SLC24A2: variants seen among roughly 807,000 people sequenced by gnomAD.
SLC24A2 encodes sodium/potassium/calcium exchanger 2.
A neutral mutation model predicts 62.0 loss-of-function variants in SLC24A2; 36 were observed. The observed-to-expected ratio is 0.58, with a 90% CI of 0.44 to 0.77. The LOEUF is 0.77. Ranked by LOEUF, SLC24A2 falls within the 30% of genes least tolerant of loss-of-function variation. The probability of loss-of-function intolerance (pLI) is 0.00; values close to 1 mark genes in which losing one functional copy is unlikely to be tolerated. For synonymous variants in SLC24A2, 358 were observed against 294.0 expected (o/e 1.22, Z -2.23); for missense variants, 846 against 817.9 (o/e 1.03, Z -0.42).
the SLC24A2 span, among the ~76,000 whole-genome samples, chr9:20,101,955 G>T: frequency 6.6e-6 from 1 of 152,124 alleles, no homozygotes; most frequent in Non-Finnish European, 1.5e-5. Flanking sequence ...TGGAGAGAAA[G>T]ATCTCTTTTT....
chr9:20,076,596 C>A, the SLC24A2 span, among the ~76,000 whole-genome samples: 23 of 151,942 alleles, frequency 1.5e-4, no homozygotes, highest in Non-Finnish European at 2.6e-4. Context: ...ATGTAAGCCT[C>A]CAGAACACTG....
At chr9:19,657,832 A>G (rs559312989) in intron 2 of SLC24A2, among the ~76,000 whole-genome samples, 11 of 152,028 alleles carry the variant, frequency 7.2e-5, no homozygotes, top group Non-Finnish European at 7.4e-5. Context: ...GACTGAAGCA[A>G]TTCTCCCACT....
chr9:20,035,194 T>C, the SLC24A2 span, among the ~76,000 whole-genome samples: 2 of 152,238 alleles, frequency 1.3e-5, no homozygotes, highest in Non-Finnish European at 2.9e-5. Context: ...TCCACAACAG[T>C]TAGGTATGAA....
At chr9:19,594,573 A>G (rs568992204) in intron 5 of SLC24A2, among the ~76,000 whole-genome samples, 1 of 152,336 alleles carries the variant, frequency 6.6e-6, no homozygotes, top group Non-Finnish European at 1.5e-5. Context: ...CCCTGGAAAC[A>G]GTTATAAATA....
At chr9:19,551,515 G>C (rs929165029) in intron 7 of SLC24A2, among the ~76,000 whole-genome samples, 1 of 152,126 alleles carries the variant, frequency 6.6e-6, no homozygotes. Flanking sequence ...CTGCTTGTTT[G>C]AAAATGAAAG....
chr9:20,157,453 A>T, the SLC24A2 span, among the ~76,000 whole-genome samples: 2 of 151,754 alleles, frequency 1.3e-5, no homozygotes, highest in African/African-American at 4.8e-5. Flanking sequence ...AACAGAATAC[A>T]TGGGTGAAAC....
At chr9:19,820,291 G>A in the SLC24A2 span, among the ~76,000 whole-genome samples, 13 of 149,770 alleles carry the variant, frequency 8.7e-5, no homozygotes, top group African/African-American at 3.2e-4. Context: ...GGGGGGAAGA[G>A]TGGGAGGGGG....
intron 2 of SLC24A2, among the ~76,000 whole-genome samples, chr9:19,700,998 A>G (rs1434206967): frequency 6.6e-6 from 1 of 152,198 alleles, no homozygotes; most frequent in Non-Finnish European, 1.5e-5. Context: ...CATTCTGTAT[A>G]CCCAAACTTA....
At chr9:20,190,565 T>A in the SLC24A2 span, among the ~76,000 whole-genome samples, 1 of 151,862 alleles carries the variant, frequency 6.6e-6, no homozygotes, top group Non-Finnish European at 1.5e-5. Context: ...CTCCTACTAG[T>A]CCCATTGTTT....
intron 7 of SLC24A2, among the ~76,000 whole-genome samples, chr9:19,554,028 G>A (rs573253000): frequency 6.6e-6 from 1 of 152,094 alleles, no homozygotes; most frequent in African/African-American, 2.4e-5. Flanking sequence ...TTTGGAGATA[G>A]GATCTTCAAA....
intron 2 of SLC24A2, among the ~76,000 whole-genome samples, chr9:19,642,766 C>T (rs1344036175): frequency 6.7e-6 from 1 of 148,334 alleles, no homozygotes. Flanking sequence ...CTGCAAGCTC[C>T]GCCTCCCGGG....
the SLC24A2 span, among the ~76,000 whole-genome samples, chr9:20,001,586 C>G: frequency 6.6e-6 from 1 of 152,118 alleles, no homozygotes. Context: ...CTCAGTCCAC[C>G]CTCCACTGGC....
chr9:19,529,860 C>T (rs954840927), intron 8 of SLC24A2, among the ~76,000 whole-genome samples: 1 of 151,242 alleles, frequency 6.6e-6, no homozygotes, highest in African/African-American at 2.4e-5. Flanking sequence ...AGCAATTCTC[C>T]TGCCTCAGCC....
At chr9:20,231,750 G>C in the SLC24A2 span, among the ~76,000 whole-genome samples, 2 of 152,180 alleles carry the variant, frequency 1.3e-5, no homozygotes, top group East Asian at 1.9e-4. Flanking sequence ...TGATTGCCCT[G>C]GCCAGAACTT....
At chr9:19,964,451 G>C in the SLC24A2 span, among the ~76,000 whole-genome samples, 2,642 of 152,240 alleles carry the variant, frequency 0.017, 74 homozygotes, top group African/African-American at 0.058. Context: ...AAAATGCTAG[G>C]TGCATGCTAA....
chr9:19,823,570 A>C, the SLC24A2 span, among the ~76,000 whole-genome samples: 20 of 152,240 alleles, frequency 1.3e-4, no homozygotes, highest in Admixed American at 4.6e-4. Flanking sequence ...TGGAGGTTGC[A>C]GTGAGCTGAG....
intron 7 of SLC24A2, among the ~76,000 whole-genome samples, chr9:19,568,606 A>C (rs954542282): frequency 7.2e-5 from 11 of 152,238 alleles, no homozygotes; most frequent in African/African-American, 2.7e-4. Flanking sequence ...GGGAAAATGG[A>C]TAACAGGTTA....
At chr9:19,924,493 T>C in the SLC24A2 span, among the ~76,000 whole-genome samples, 1 of 152,176 alleles carries the variant, frequency 6.6e-6, no homozygotes. Context: ...TTTCCATCAC[T>C]GATCTAGTCA....
the SLC24A2 span, among the ~76,000 whole-genome samples, chr9:19,857,666 C>G: frequency 6.6e-6 from 1 of 151,482 alleles, no homozygotes; most frequent in Non-Finnish European, 1.5e-5. Context: ...CAGATTGTTG[C>G]TAGTGTATGG....
Sources: gnomAD v4.1 joint callset for allele counts (sites outside exome capture counted in the v4.1 genomes callset) on GRCh38, gnomAD v4.1.1 for gene constraint, MANE v1.5 for transcripts, NCBI Gene and HGNC (gene_info 2026-07-23, HGNC 2026-07-21) for gene names.